The following MACROD2 variants were observed in gnomAD, a reference collection of about 807,000 sequenced individuals.
The protein encoded by MACROD2 is ADP-ribose glycohydrolase MACROD2.
Under a neutral mutation model 70.4 loss-of-function variants are expected in MACROD2, and 36 were observed. The ratio of observed to expected loss-of-function variants is 0.51; its 90% CI spans 0.39 to 0.68. The LOEUF (loss-of-function observed/expected upper bound fraction) is 0.68. MACROD2 is among the 30% of genes least tolerant of loss of function. The probability of loss-of-function intolerance (pLI) is 0.00; values close to 1 mark genes in which losing one functional copy is unlikely to be tolerated. For missense variants in MACROD2, 496 were observed against 538.4 expected (o/e 0.92, Z 0.78); for synonymous variants, 172 against 178.8 (o/e 0.96, Z 0.30).
intron 4 of MACROD2, among the ~76,000 whole-genome samples, chr20:14,610,848 ATTC>A (rs1408526739): frequency 6.6e-6 from 1 of 152,104 alleles, no homozygotes; most frequent in South Asian, 2.1e-4. Context: ...TGTTATTGTT[ATTC>A]TTTGTCATTA....
Position 15,933,606 on chromosome 20 carries a change from G to A in MACROD2, c.838+268G>A, listed in dbSNP as rs2065612913. Among the ~76,000 whole-genome samples the A allele has an allele frequency of 3.3e-5, 5 of 152,298 alleles. No individual in the cohort carries two copies. In the South Asian group the frequency reaches 1.0e-3, roughly 32 times the overall value. On this transcript the variant is annotated intron_variant, in intron 11 of 17. Coordinates refer to ENST00000684519, the MANE Select transcript of MACROD2 (RefSeq NM_001351661.2). Reference sequence around the variant, plus strand: ...TGGCAAAGCTCTAAGAGGGACGGGCGGAGGTTGAAAGTGCCAAGGCAGAGC... The same window carrying A: ...TGGCAAAGCTCTAAGAGGGACGGGCAGAGGTTGAAAGTGCCAAGGCAGAGC...
At chr20:14,344,235 T>G (rs2083042552) in intron 3 of MACROD2, among the ~76,000 whole-genome samples, 1 of 152,242 alleles carries the variant, frequency 6.6e-6, no homozygotes, top group Admixed American at 6.5e-5. Flanking sequence ...TTTACTACAA[T>G]TAGCATTTAT....
At chr20:15,314,314 G>A (rs1386149383) in intron 6 of MACROD2, among the ~76,000 whole-genome samples, 2 of 152,088 alleles carry the variant, frequency 1.3e-5, no homozygotes, top group East Asian at 3.9e-4. Context: ...TGAGCGGACA[G>A]GCACAGTGGC....
At chr20:15,119,719 G>A (rs1293886879) in intron 5 of MACROD2, among the ~76,000 whole-genome samples, 1 of 152,188 alleles carries the variant, frequency 6.6e-6, no homozygotes, top group African/African-American at 2.4e-5. Context: ...GTTCTGATAT[G>A]TTAGGCAAAT....
intron 5 of MACROD2, among the ~76,000 whole-genome samples, chr20:15,115,168 G>A (rs892221056): frequency 2.0e-5 from 3 of 152,078 alleles, no homozygotes; most frequent in African/African-American, 7.2e-5. Context: ...GATACATAGA[G>A]CCCTGTTGTA....
At chr20:15,105,828 T>C (rs2075906586) in intron 5 of MACROD2, among the ~76,000 whole-genome samples, 1 of 152,092 alleles carries the variant, frequency 6.6e-6, no homozygotes, top group South Asian at 2.1e-4. Context: ...ATCTTTTAAA[T>C]GAAAAACAGC....
intron 8 of MACROD2, among the ~76,000 whole-genome samples, chr20:15,781,748 A>G (rs1435217929): frequency 6.6e-6 from 1 of 152,188 alleles, no homozygotes; most frequent in African/African-American, 2.4e-5. Context: ...CAGTCAAATC[A>G]TAGCAGCAGA....
chr20:15,501,268 A>G (rs1342034667), intron 8 of MACROD2, among the ~76,000 whole-genome samples: 2 of 152,270 alleles, frequency 1.3e-5, no homozygotes, highest in African/African-American at 4.8e-5. Flanking sequence ...TGCATGAGTG[A>G]AAGTTGATAA....
intron 7 of MACROD2, among the ~76,000 whole-genome samples, chr20:15,498,322 T>G (rs987159572): frequency 3.3e-5 from 5 of 152,228 alleles, no homozygotes; most frequent in African/African-American, 1.2e-4. Flanking sequence ...CAGTTTGAAC[T>G]ACTAGAATAC....
intron 8 of MACROD2, among the ~76,000 whole-genome samples, chr20:15,545,982 C>T (rs778293542): frequency 2.6e-5 from 4 of 152,168 alleles, no homozygotes; most frequent in African/African-American, 7.2e-5. Flanking sequence ...CAGCTGGGCA[C>T]GATGGCTCAT....
chr20:14,378,280 A>G (rs204652), intron 3 of MACROD2, among the ~76,000 whole-genome samples: 149,548 of 152,272 alleles, frequency 0.98, 73,437 homozygotes, highest in East Asian at 1. Context: ...TTGAGAGTAG[A>G]GCATTCATTT....
intron 3 of MACROD2, among the ~76,000 whole-genome samples, chr20:14,235,265 A>G (rs1328595452): frequency 2.6e-5 from 4 of 152,222 alleles, no homozygotes; most frequent in Admixed American, 6.5e-5. Context: ...TATTTCAATT[A>G]TAGTTCTTAA....
chr20:15,236,104 T>G (rs2077012005), intron 6 of MACROD2, among the ~76,000 whole-genome samples: 1 of 152,230 alleles, frequency 6.6e-6, no homozygotes, highest in Non-Finnish European at 1.5e-5. Context: ...CTATACATCA[T>G]CTCATTTATT....
chr20:14,785,353 C>T (rs933350839), intron 5 of MACROD2, among the ~76,000 whole-genome samples: 1 of 151,924 alleles, frequency 6.6e-6, no homozygotes, highest in African/African-American at 2.4e-5. Flanking sequence ...TATGTTTGCA[C>T]ACTTGTAAGC....
intron 4 of MACROD2, among the ~76,000 whole-genome samples, chr20:14,524,250 A>AT (rs2085204118): frequency 6.6e-6 from 1 of 152,080 alleles, no homozygotes; most frequent in Admixed American, 6.6e-5. Context: ...CATGGTGAAA[A>AT]TTTTTTAAAA....
intron 3 of MACROD2, among the ~76,000 whole-genome samples, chr20:14,215,092 TCCATCATATATATCTATTC>T (rs2081605182): frequency 6.8e-6 from 1 of 147,490 alleles, no homozygotes; most frequent in Non-Finnish European, 1.5e-5. Flanking sequence ...ATATATCTAT[TCCATCATATATATCTATTC>T]CATCATATAT....
At chr20:14,301,078 T>C (rs773177789) in intron 3 of MACROD2, among the ~76,000 whole-genome samples, 21 of 152,194 alleles carry the variant, frequency 1.4e-4, no homozygotes, top group Non-Finnish European at 2.4e-4. Context: ...GTATTCTTAA[T>C]TCTCCTCATT....
chr20:14,285,371 C>T (rs939430877), intron 3 of MACROD2, among the ~76,000 whole-genome samples: 17 of 152,114 alleles, frequency 1.1e-4, no homozygotes, highest in African/African-American at 2.7e-4. Flanking sequence ...CGTCAGGCAT[C>T]GAATTTTCCA....
At chr20:14,630,828 G>T (rs548248844) in intron 4 of MACROD2, among the ~76,000 whole-genome samples, 3 of 152,266 alleles carry the variant, frequency 2.0e-5, no homozygotes, top group East Asian at 1.9e-4. Context: ...TCAAGGAGAT[G>T]ATCTACAGAT....
Sources: allele counts gnomAD v4.1 joint callset (sites outside exome capture counted in the v4.1 genomes callset), GRCh38; gene constraint gnomAD v4.1.1; transcripts MANE v1.5; gene names NCBI Gene and HGNC (gene_info 2026-07-23, HGNC 2026-07-21).